TAF1: variants seen among roughly 807,000 people sequenced by gnomAD.
TAF1 encodes transcription initiation factor TFIID subunit 1.
TAF1 carries 2 observed loss-of-function variants against 138.5 expected under a neutral mutation model. The observed-to-expected ratio is 0.01, with a 90% CI of 0.01 to 0.05. The LOEUF (loss-of-function observed/expected upper bound fraction) is 0.05. TAF1 is among the 10% of genes least tolerant of loss of function. The probability of loss-of-function intolerance (pLI) is 1.00; values close to 1 mark genes in which losing one functional copy is unlikely to be tolerated. For synonymous variants in TAF1, 437 were observed against 503.2 expected (o/e 0.87, Z 1.76); for missense variants, 709 against 1,478.0 (o/e 0.48, Z 8.53).
downstream of TAF1, among the ~76,000 whole-genome samples, chrX:71,469,236 G>A (rs188778641): frequency 3.6e-5 from 4 of 111,827 alleles, no homozygotes; most frequent in East Asian, 8.4e-4. Context: ...AGGCTGCAGT[G>A]AGCTATGGTC....
At chrX:71,417,481 C>T (rs973133033) in intron 28 of TAF1, among the ~76,000 whole-genome samples, 1 of 110,551 alleles carries the variant, frequency 9.0e-6, no homozygotes, top group African/African-American at 3.3e-5. Flanking sequence ...CTCAGCCTCC[C>T]GAGTAGCTGG....
At chrX:71,481,786 T>TA in intron 13 of TAF1, among the ~76,000 whole-genome samples, 1 of 111,715 alleles carries the variant, frequency 9.0e-6, no homozygotes, top group South Asian at 3.8e-4. Context: ...CTCGATCTCC[T>TA]GACCCCATGA....
At chrX:71,420,819 G>GCAGCTCCTCAGGCTA (rs2036298787) in intron 28 of TAF1, among the ~76,000 whole-genome samples, 1 of 112,398 alleles carries the variant, frequency 8.9e-6, no homozygotes, top group African/African-American at 3.2e-5. Flanking sequence ...GGGTCCAGCG[G>GCAGCTCCTCAGGCTA]CAGCTCCTCA....
chrX:71,455,159 C>A, intron 34 of TAF1: 1 of 831,221 alleles, frequency 1.2e-6, no homozygotes, highest in Non-Finnish European at 1.7e-6. Context: ...CGGGAATTTT[C>A]TTGTCCATGA....
At chrX:71,397,160 A>ATG in intron 22 of TAF1, 93 bp from the exon 23 acceptor site, 1 of 906,658 alleles carries the variant, frequency 1.1e-6, no homozygotes, top group Non-Finnish European at 1.6e-6. Context: ...GTTTTGTGGC[A>ATG]TGTTGAACTT....
chrX:71,384,752 G>A (rs772615632), intron 13 of TAF1, among the ~76,000 whole-genome samples, 193 bp from the exon 14 acceptor site: 29 of 111,659 alleles, frequency 2.6e-4, no homozygotes, highest in Non-Finnish European at 4.7e-4. Context: ...AATGCTCATT[G>A]GAGCATTTTG....
intron 13 of TAF1, among the ~76,000 whole-genome samples, chrX:71,516,519 G>A (rs2039828089): frequency 9.1e-6 from 1 of 109,708 alleles, no homozygotes; most frequent in South Asian, 3.9e-4. Context: ...GCTCACGCCT[G>A]TAATGCCAAT....
chrX:71,479,110 A>G (rs750669802), intron 13 of TAF1, among the ~76,000 whole-genome samples: 5 of 112,945 alleles, frequency 4.4e-5, no homozygotes, highest in Non-Finnish European at 9.4e-5. Flanking sequence ...AAATTATGGT[A>G]TTATTATAAA....
intron 32 of TAF1, among the ~76,000 whole-genome samples, chrX:71,449,062 G>A (rs1295781324): frequency 5.5e-5 from 6 of 109,671 alleles, no homozygotes; most frequent in African/African-American, 1.3e-4. Flanking sequence ...GCGCGATCTC[G>A]GCTCACCGCA....
chrX:71,443,064 C>T (rs1410180343), intron 32 of TAF1, among the ~76,000 whole-genome samples: 1 of 111,685 alleles, frequency 9.0e-6, no homozygotes, highest in Non-Finnish European at 1.9e-5. Flanking sequence ...GTTACTGTAG[C>T]CTTGTATTAT....
chrX:71,524,678 C>A (rs868258337), intron 13 of TAF1, among the ~76,000 whole-genome samples: 1 of 108,721 alleles, frequency 9.2e-6, no homozygotes, highest in African/African-American at 3.3e-5. Context: ...TGTGGTGGCT[C>A]ACGCCTGTAA....
Position 71,459,831 on chromosome X carries a change from A to G in TAF1, c.5221+123A>G, listed in dbSNP as rs1044661964. On this transcript the variant is annotated intron_variant, in intron 36 of 37. Coordinates refer to ENST00000423759, the MANE Select transcript of TAF1 (RefSeq NM_004606.5). Reference sequence around the variant, plus strand: ...AAGCTGCCTCTTTTATTGAATTCCTATTAATAGACCTGAGAGTACTGAGCA... The same window carrying G: ...AAGCTGCCTCTTTTATTGAATTCCTGTTAATAGACCTGAGAGTACTGAGCA... 5.4e-6 allele frequency: 6 copies of G among 1,102,333 alleles called. No homozygotes were observed. In the African/African-American group the frequency reaches 7.4e-5, roughly 14 times the overall value. The allele number at this position is 1,102,333 out of a possible 1,213,427, so 90.8% of individuals were successfully genotyped here. A position where few individuals can be genotyped will look rare whatever the true frequency, so the allele number is the denominator to read the frequency against.
intron 13 of TAF1, among the ~76,000 whole-genome samples, chrX:71,500,320 C>A (rs1350814631): frequency 1.8e-5 from 2 of 109,118 alleles, no homozygotes; most frequent in African/African-American, 6.8e-5. Context: ...ATTTATACTT[C>A]CCTCAGGTGG....
intron 13 of TAF1, among the ~76,000 whole-genome samples, chrX:71,474,209 C>T (rs1256216090): frequency 9.0e-6 from 1 of 111,236 alleles, no homozygotes; most frequent in Non-Finnish European, 1.9e-5. Flanking sequence ...ATTTATGGGC[C>T]ATGGTAAGGA....
At chrX:71,376,899 G>GGA (rs1221592760) in intron 4 of TAF1, 51 bp from the exon 5 acceptor site, 4 of 1,194,337 alleles carry the variant, frequency 3.3e-6, no homozygotes, top group Non-Finnish European at 3.4e-6. Flanking sequence ...CGGAATTCGA[G>GGA]GAAATATGTT....
At chrX:71,379,991 T>C (rs1486305461) in intron 8 of TAF1, among the ~76,000 whole-genome samples, 1 of 110,981 alleles carries the variant, frequency 9.0e-6, no homozygotes, top group Non-Finnish European at 1.9e-5. Context: ...TAGTTTCCTA[T>C]TTTTCTCCTT....
At chrX:71,454,316 G>A in intron 33 of TAF1, 79 bp downstream of exon 33, 1 of 864,514 alleles carries the variant, frequency 1.2e-6, no homozygotes, top group Non-Finnish European at 1.7e-6. Flanking sequence ...TTAAAAATTA[G>A]TGGGGTCTGG....
chrX:71,430,316 C>T (rs978854950), intron 32 of TAF1, among the ~76,000 whole-genome samples: 2 of 104,270 alleles, frequency 1.9e-5, no homozygotes, highest in African/African-American at 3.5e-5. Flanking sequence ...CCCGGGAGGC[C>T]GAGCTTGCTG....
At chrX:71,501,449 C>T (rs189164410) in intron 13 of TAF1, among the ~76,000 whole-genome samples, 23 of 111,013 alleles carry the variant, frequency 2.1e-4, no homozygotes, top group African/African-American at 7.2e-4. Flanking sequence ...AAAAGCAGGA[C>T]GAGCCTCGGA....
Sources: gnomAD v4.1 joint callset for allele counts (sites outside exome capture counted in the v4.1 genomes callset) on GRCh38, gnomAD v4.1.1 for gene constraint, MANE v1.5 for transcripts, NCBI Gene and HGNC (gene_info 2026-07-23, HGNC 2026-07-21) for gene names.